TRPM3: variants seen among roughly 807,000 people sequenced by gnomAD.
TRPM3 encodes the protein transient receptor potential cation channel subfamily M member 3, also known as long transient receptor potential channel 3.
In TRPM3, 77 loss-of-function variants were observed where a neutral mutation model predicts 181.2. The observed-to-expected ratio is 0.42, with a 90% confidence interval of 0.35 to 0.51. The LOEUF is 0.51. Among genes scored for constraint, TRPM3 ranks in the 20% least tolerant of loss-of-function variants. The pLI, the probability that TRPM3 is intolerant of heterozygous loss-of-function variation, is 0.01. For missense variants in TRPM3, 1,759 were observed against 2,196.7 expected (o/e 0.80, Z 3.98); for synonymous variants, 745 against 796.4 (o/e 0.94, Z 1.09).
chr9:71,333,066 G>A (rs188744093), intron 1 of TRPM3, among the ~76,000 whole-genome samples: 1 of 151,944 alleles, frequency 6.6e-6, no homozygotes. Context: ...CCCCAGGGTA[G>A]AGAAGGGAAG....
intron 1 of TRPM3, among the ~76,000 whole-genome samples, chr9:71,268,268 T>A (rs2083527844): frequency 6.6e-6 from 1 of 151,850 alleles, no homozygotes; most frequent in Non-Finnish European, 1.5e-5. Flanking sequence ...TAGTCCCAGC[T>A]ACTCGGGAGG....
intron 9 of TRPM3, among the ~76,000 whole-genome samples, chr9:70,641,813 C>G (rs1241765955): frequency 6.6e-6 from 1 of 152,152 alleles, no homozygotes; most frequent in East Asian, 1.9e-4. Flanking sequence ...GGAGGGGAAG[C>G]TGGAAATGGA....
intron 22 of TRPM3, among the ~76,000 whole-genome samples, chr9:70,553,802 A>T (rs2047019583): frequency 6.6e-6 from 1 of 152,222 alleles, no homozygotes; most frequent in Non-Finnish European, 1.5e-5. Context: ...TTGCTGCAAG[A>T]AACAACCTGG....
intron 1 of TRPM3, among the ~76,000 whole-genome samples, chr9:71,428,223 C>T (rs2093899871): frequency 6.7e-6 from 1 of 149,800 alleles, no homozygotes; most frequent in African/African-American, 2.5e-5. Flanking sequence ...TCCCAAGTGG[C>T]TGGGATTACA....
At chr9:71,354,072 C>A (rs1410808088) in intron 1 of TRPM3, among the ~76,000 whole-genome samples, 1 of 152,154 alleles carries the variant, frequency 6.6e-6, no homozygotes, top group African/African-American at 2.4e-5. Flanking sequence ...TGTAGCCCTT[C>A]TCTGTTATTT....
At chr9:71,346,879 A>G (rs2132640778) in intron 1 of TRPM3, among the ~76,000 whole-genome samples, 1 of 22,258 alleles carries the variant, frequency 4.5e-5, no homozygotes, top group Non-Finnish European at 9.7e-5. Context: ...TCTGTTTCGT[A>G]TTTTTATTTT....
intron 1 of TRPM3, among the ~76,000 whole-genome samples, chr9:70,884,289 C>T (rs147830787): frequency 8.5e-4 from 130 of 152,266 alleles, no homozygotes; most frequent in African/African-American, 2.9e-3. Context: ...GAAATAGCTA[C>T]ACAGAAAGAA....
rs145239842 is a variant in TRPM3 at position 71,322,348 on chromosome 9, G to A, written c.183+124305C>T. ...AACCACACAAATGATTCATCCAGACGATGATACCATAAAATATCGTTATTT... is the reference window on the plus strand; with the variant it reads ...AACCACACAAATGATTCATCCAGACAATGATACCATAAAATATCGTTATTT... On this transcript the variant is annotated intron_variant, in intron 1 of 24. Transcript: ENST00000357533. Among the ~76,000 whole-genome samples the A allele has an allele frequency of 7.9e-4, 120 of 152,206 alleles. 2 individuals are homozygous for A. The highest frequency in any genetic ancestry group is 3.4e-3 in the Middle Eastern group (1 of 294).
Position 70,638,303 on chromosome 9 carries a change from G to A in TRPM3, c.1581+757C>T, listed in dbSNP as rs73647106. Among the ~76,000 whole-genome samples the A allele has an allele frequency of 1.6e-3, 237 of 152,250 alleles. 1 individual carries two copies. Among genetic ancestry groups the A allele is most frequent in the African/African-American group, 5.4e-3 (223 of 41,552 alleles). ...CCAGAACCCAGAGAAATAAATTTCT[G>A]TTGTTTATAAATTACTGAGTCTAAG... On this transcript the variant is annotated intron_variant, in intron 11 of 25. Coordinates refer to ENST00000677713, the MANE Select transcript of TRPM3 (RefSeq NM_001366145.2).
At chr9:70,767,140 G>C (rs372986816) in intron 7 of TRPM3, among the ~76,000 whole-genome samples, 56 of 152,328 alleles carry the variant, frequency 3.7e-4, no homozygotes, top group African/African-American at 1.3e-3. Context: ...CTCTCCTGGC[G>C]TTAACAGTGC....
At chr9:71,126,563 A>G (rs1486675199), upstream of TRPM3, among the ~76,000 whole-genome samples, 1 of 152,168 alleles carries the variant, frequency 6.6e-6, no homozygotes, top group Non-Finnish European at 1.5e-5. Flanking sequence ...TTCCAAATAT[A>G]TGTTTTCAAA....
intron 1 of TRPM3, among the ~76,000 whole-genome samples, chr9:71,144,692 C>G (rs1222495143): frequency 1.3e-5 from 2 of 152,108 alleles, no homozygotes; most frequent in African/African-American, 4.8e-5. Context: ...GGAAGACTTG[C>G]AAAAGTCAAG....
chr9:70,977,034 G>T (rs1286355421), intron 1 of TRPM3, among the ~76,000 whole-genome samples: 1 of 152,220 alleles, frequency 6.6e-6, no homozygotes, highest in East Asian at 1.9e-4. Context: ...TTTATGAAGG[G>T]TAAAAAATAT....
In TRPM3 at chr9:70,647,616, C is replaced by T. The variant is rs150012430; in HGVS notation, c.1346-6956G>A. The stretch of plus-strand genomic sequence containing the variant: ...AACAGGCGAAAGCTGGAAGCATTCC[C>T]CTTGAGAACTGGAACAAGACAAGGA... On this transcript the variant is annotated intron_variant, in intron 9 of 25. Coordinates refer to ENST00000677713, the MANE Select transcript of TRPM3 (RefSeq NM_001366145.2). Among the ~76,000 whole-genome samples the T allele has an allele frequency of 6.7e-3, 1,019 of 152,232 alleles. 13 individuals carry two copies. The highest frequency in any genetic ancestry group is 0.023 in the African/African-American group (936 of 41,538).
chr9:70,654,624 A>C (rs2060025336), intron 9 of TRPM3, among the ~76,000 whole-genome samples: 1 of 152,050 alleles, frequency 6.6e-6, no homozygotes, highest in African/African-American at 2.4e-5. Context: ...AAACAGTGGG[A>C]AACAAATAAT....
intron 1 of TRPM3, among the ~76,000 whole-genome samples, chr9:70,979,450 A>G (rs967990755): frequency 3.3e-5 from 5 of 152,204 alleles, no homozygotes; most frequent in African/African-American, 1.2e-4. Flanking sequence ...GGGGGATCCA[A>G]CTGTATACAT....
intron 1 of TRPM3, among the ~76,000 whole-genome samples, chr9:71,127,316 C>CACACACACACACA (rs1565253257): frequency 1.3e-5 from 2 of 149,416 alleles, no homozygotes; most frequent in East Asian, 1.9e-4. Flanking sequence ...CACACACACA[C>CACACACACACACA]CCCTGAACTG....
intron 1 of TRPM3, among the ~76,000 whole-genome samples, chr9:71,189,358 C>T (rs2077870860): frequency 6.6e-6 from 1 of 151,814 alleles, no homozygotes; most frequent in Non-Finnish European, 1.5e-5. Context: ...ATATATGGTA[C>T]ATTTGTATAC....
chr9:70,774,247 TTCCTCCTCCTCTTCA>T (rs1168435423), intron 7 of TRPM3: 1 of 154,116 alleles, frequency 6.5e-6, no homozygotes, highest in African/African-American at 2.4e-5. Flanking sequence ...CCTCCTCTTC[TTCCTCCTCCTCTTCA>T]GCCTATTCAA....
Sources: allele counts gnomAD v4.1 joint callset (sites outside exome capture counted in the v4.1 genomes callset), GRCh38; gene constraint gnomAD v4.1.1; transcripts MANE v1.5; gene names NCBI Gene and HGNC (gene_info 2026-07-23, HGNC 2026-07-21).